Variants in DIS3 observed in about 807,000 individuals in gnomAD.
The protein encoded by DIS3 is DIS3 exosome endoribonuclease and 3'-5' exoribonuclease, also known as exosome complex exonuclease RRP44.
DIS3 carries 103 observed loss-of-function variants against 113.0 expected under a neutral mutation model. The observed-to-expected ratio is 0.91, with a 90% CI of 0.78 to 1.07. The LOEUF (loss-of-function observed/expected upper bound fraction) is 1.07. Among genes scored for constraint, DIS3 ranks in the 50% least tolerant of loss-of-function variants. The pLI is 0.00. For synonymous variants in DIS3, 402 were observed against 394.3 expected (o/e 1.02, Z -0.23); for missense variants, 1,121 against 1,167.1 (o/e 0.96, Z 0.58).
chr13:72,774,036 T>C lies in DIS3; in HGVS notation c.1011A>G (p.Lys337=). The change falls in exon 7 of 21, where the codon AAA becomes AAG. Residue 337 remains lysine, a synonymous_variant. Transcript: ENST00000377767. The part of the protein sequence containing the change: ...ERMLKTAVSE[K]MLKPTGRVVG... ...CAACTCTACCTGTAGGCTTCAACATTTTCTCGCTTACAGCAGTCTTAAGCT... is the reference window on the plus strand; with the variant it reads ...CAACTCTACCTGTAGGCTTCAACATCTTCTCGCTTACAGCAGTCTTAAGCT... 6.2e-7 allele frequency: 1 copy of C among 1,608,186 alleles called. No homozygotes were observed. Among genetic ancestry groups the C allele is most frequent in the Non-Finnish European group, 8.5e-7 (1 of 1,178,506 alleles).
intron 2 of DIS3, among the ~76,000 whole-genome samples, chr13:72,780,153 C>T (rs2034122028): frequency 6.6e-6 from 1 of 151,604 alleles, no homozygotes; most frequent in East Asian, 1.9e-4. Flanking sequence ...TGGTGAAACC[C>T]TGTCTCTACT....
intron 11 of DIS3, 38 bp from the exon 12 acceptor site, chr13:72,771,183 C>T: frequency 6.7e-7 from 1 of 1,501,086 alleles, no homozygotes; most frequent in Non-Finnish European, 9.2e-7. Flanking sequence ...ATTACTTAGC[C>T]ATAACCATAC....
chr13:72,775,856 A>G (rs1268497446), intron 5 of DIS3, 69 bp downstream of exon 5: 8 of 1,275,554 alleles, frequency 6.3e-6, no homozygotes, highest in African/African-American at 3.1e-5. Flanking sequence ...AGTATTTACC[A>G]TTAAGTGTTC....
At chr13:72,764,145 C>G (rs978448597) in intron 15 of DIS3, among the ~76,000 whole-genome samples, 4 of 151,992 alleles carry the variant, frequency 2.6e-5, no homozygotes, top group Non-Finnish European at 4.4e-5. Context: ...GAGCAAGACT[C>G]TGTGTCAAAA....
chr13:72,779,867 T>C (rs571791183), intron 2 of DIS3, among the ~76,000 whole-genome samples: 1 of 152,252 alleles, frequency 6.6e-6, no homozygotes, highest in South Asian at 2.1e-4. Flanking sequence ...AAAAAAATTA[T>C]TCAGTTCAAA....
Position 72,772,276 on chromosome 13 carries a change from C to T in DIS3, c.1387-1G>A, listed in dbSNP as rs1346924531. On this transcript the variant is annotated splice_acceptor_variant, in intron 9 of 20. Transcript: ENST00000377767. LOFTEE classifies it high-confidence loss of function. ...TCAGGTCTTCTCGGTTTTTCATGTC[C>T]TAGAAGACATGAAATGATAAACAAA... 1 of 1,593,064 alleles carries T rather than the reference C, an allele frequency of 6.3e-7. No individual in the cohort carries two copies. Among genetic ancestry groups the T allele is most frequent in the Non-Finnish European group, 8.6e-7 (1 of 1,167,082 alleles).
rs148844657 is a variant in DIS3, at chr13:72,754,742, G to T, written c.*5053C>A. On this transcript the variant is annotated 3_prime_UTR_variant, in exon 21 of 21. Coordinates refer to ENST00000377767, the MANE Select transcript of DIS3 (RefSeq NM_014953.5). The stretch of plus-strand genomic sequence containing the variant: ...ATTATTTTATTTTTTTTGAGACAAG[G>T]TCTCATTCTGTCACCCAGGCTAGAG... 53 of 155,288 alleles carry T rather than the reference G, an allele frequency of 3.4e-4. No homozygotes were observed. The East Asian group carries it at 6.9e-3, about 20-fold the overall frequency. The allele number at this position is 155,288 out of a possible 1,614,324, so 9.6% of individuals were successfully genotyped here. A position where few individuals can be genotyped will look rare whatever the true frequency, so the allele number is the denominator to read the frequency against.
chr13:72,776,507 G>T (rs1232090929), intron 4 of DIS3, among the ~76,000 whole-genome samples: 1 of 152,108 alleles, frequency 6.6e-6, no homozygotes, highest in Non-Finnish European at 1.5e-5. Context: ...TATCATAAAG[G>T]TAAGAAGGGA....
At chr13:72,763,684 C>T (rs2033683070) in intron 15 of DIS3, 77 bp from the exon 16 acceptor site, 1 of 1,391,738 alleles carries the variant, frequency 7.2e-7, no homozygotes, top group Non-Finnish European at 9.6e-7. Flanking sequence ...TCACAGGTTA[C>T]CTTTGTTACC....
In DIS3 at chr13:72,761,356, A is replaced by G; in HGVS notation, c.2670+7T>C. On this transcript the variant is annotated splice_region_variant and intron_variant, in intron 19 of 20. Transcript: ENST00000377767. The stretch of plus-strand genomic sequence containing the variant: ...GGAAAAGAAAACAAACATGAGAAAT[A>G]CCGTACCTCATCATCATAAATAAGC... 2 of 1,597,280 alleles carry G rather than the reference A, an allele frequency of 1.3e-6. No homozygotes were observed. Among genetic ancestry groups the G allele is most frequent in the Non-Finnish European group, 1.7e-6 (2 of 1,176,210 alleles).
In DIS3 at chr13:72,772,786, TTC is replaced by T; in HGVS notation, c.1291_1292del (p.Glu431SerfsTer5). On this transcript the variant is annotated frameshift_variant, in exon 9 of 21. Coordinates refer to ENST00000377767, the MANE Select transcript of DIS3 (RefSeq NM_014953.5). LOFTEE classifies it high-confidence loss of function. Reference protein sequence around the residue: ...GDVGEKETETEVLLLEHDVPH... With the variant: ...GDVGEKETETXVLLLEHDVPH... ...GAACATCGTGTTCAAGTAACAAAAC[TTC>T]TGTTTCAGTCTCTTTCTCTCCAACA... 4 of 1,613,266 alleles carry T rather than the reference TTC, an allele frequency of 2.5e-6. No homozygotes were observed. The highest frequency in any genetic ancestry group is 3.4e-6 in the Non-Finnish European group (4 of 1,179,814).
In DIS3 at chr13:72,776,042, A is replaced by T; in HGVS notation, c.705T>A (p.Ser235Arg). 1 of 1,606,300 alleles carries T rather than the reference A, an allele frequency of 6.2e-7. No individual in the cohort carries two copies. Among genetic ancestry groups the T allele is most frequent in the Non-Finnish European group, 8.5e-7 (1 of 1,177,930 alleles). ...CAGATTTTATGCCTTGCTGTAGCTTACTTAAGGGAAGATGCTCTGAAAATA... is the reference window on the plus strand; with the variant it reads ...CAGATTTTATGCCTTGCTGTAGCTTTCTTAAGGGAAGATGCTCTGAAAATA... Reference protein sequence around the residue: ...KIIFSEHLPLSKLQQGIKSGT... With the variant: ...KIIFSEHLPLRKLQQGIKSGT... Residue 235 changes from serine (S) to arginine (R), a missense_variant, in exon 5 of 21, where the codon AGT becomes AGA. Ser to Arg is a moderately radical substitution (Grantham distance 110, BLOSUM62 -1). Transcript: ENST00000377767.
chr13:72,759,189 T>C lies in DIS3; in HGVS notation c.*606A>G, dbSNP rs1593832306. The C allele has an allele frequency of 1.6e-5, 3 of 192,812 alleles. No individual in the cohort carries two copies. In the East Asian group the frequency reaches 2.5e-4, roughly 16 times the overall value. 11.9% of individuals were successfully genotyped at this position (192,812 alleles called of 1,614,324 possible). On this transcript the variant is annotated 3_prime_UTR_variant, in exon 21 of 21. Coordinates refer to ENST00000377767, the MANE Select transcript of DIS3 (RefSeq NM_014953.5). ...CTGGCAATAAAAACACAACCATCTTTCCAGTCAGGTCAAAATATCCTACTT... is the reference window on the plus strand; with the variant it reads ...CTGGCAATAAAAACACAACCATCTTCCCAGTCAGGTCAAAATATCCTACTT...
Position 72,771,886 on chromosome 13 carries a change from T to C in DIS3, c.1514A>G (p.His505Arg), listed in dbSNP as rs1275199676. ...AATAAAATGGCTCACATCAGCAATA[T>C]GAACACCAACCTTAAAAAGATAAAA... ...LENGNLEVGV[H>R]IADVSHFIRP... is the part of the protein sequence containing the mutation. Residue 505 changes from histidine (H) to arginine (R), a missense_variant, in exon 11 of 21, where the codon CAT (histidine) becomes CGT (arginine). Physicochemically the swap from His to Arg is conservative, Grantham distance 29. This residue lies in a region of DIS3 where 861 missense variants were observed against 915.5 expected (regional missense o/e 0.94). Transcript: ENST00000377767. 1.2e-6 allele frequency: 2 copies of C among 1,613,374 alleles called. No individual in the cohort carries two copies. The highest frequency in any genetic ancestry group is 2.2e-5 in the East Asian group (1 of 44,848).
At chr13:72,774,764 T>TA (rs2033967816) in intron 6 of DIS3, among the ~76,000 whole-genome samples, 2 of 152,188 alleles carry the variant, frequency 1.3e-5, no homozygotes, top group South Asian at 4.1e-4. Context: ...GAAAGTATTC[T>TA]CTTCATAATA....
Position 72,759,682 on chromosome 13 carries a change from T to C in DIS3, c.*113A>G. 1 of 767,020 alleles carries C rather than the reference T, an allele frequency of 1.3e-6. No individual in the cohort carries two copies. Among genetic ancestry groups the C allele is most frequent in the East Asian group, 2.7e-5 (1 of 37,202 alleles). The allele number at this position is 767,020 out of a possible 1,614,324, so 47.5% of individuals were successfully genotyped here. On this transcript the variant is annotated 3_prime_UTR_variant, in exon 21 of 21. Coordinates refer to ENST00000377767, the MANE Select transcript of DIS3 (RefSeq NM_014953.5). Reference sequence around the variant, plus strand: ...TAAAAATGCAGATGTCTGAAATTATTAAAATGTACTTAAAAGTAACAAACT... The same window carrying C: ...TAAAAATGCAGATGTCTGAAATTATCAAAATGTACTTAAAAGTAACAAACT...
At chr13:72,772,354 G>T in intron 9 of DIS3, 79 bp from the exon 10 acceptor site, 1 of 1,098,044 alleles carries the variant, frequency 9.1e-7, no homozygotes, top group Non-Finnish European at 1.3e-6. Flanking sequence ...TGTGAAATCA[G>T]TAATATGTAT....
At chr13:72,775,399 G>A (rs766384534) in intron 5 of DIS3, 24 bp from the exon 6 acceptor site, 27 of 1,560,726 alleles carry the variant, frequency 1.7e-5, no homozygotes, top group Non-Finnish European at 1.9e-5. Flanking sequence ...CAGAGGGCAC[G>A]TGCCCAAATT....
chr13:72,772,172 T>C lies in DIS3; in HGVS notation c.1490A>G (p.Asn497Ser), dbSNP rs1160840972. ...ACATATGAATACCTCCAAATTTCCA[T>C]TTTCGAGTTCTCGACAATGTAGAGC... ...DDALHCRELE[N>S]GNLEVGVHIA... Residue 497 changes from asparagine (N) to serine (S), a missense_variant, in exon 10 of 21, where the codon AAT becomes AGT. Physicochemically the swap from Asn to Ser is conservative, Grantham distance 46. Around this residue, in one of 3 missense-constraint regions of DIS3, gnomAD observed 861 missense variants for 915.5 expected, o/e 0.94. Transcript: ENST00000377767. 6.2e-7 allele frequency: 1 copy of C among 1,612,400 alleles called. No individual in the cohort carries two copies. Among genetic ancestry groups the C allele is most frequent in the African/African-American group, 1.3e-5 (1 of 74,874 alleles).
Sources: allele counts gnomAD v4.1 joint callset (sites outside exome capture counted in the v4.1 genomes callset), GRCh38; gene constraint gnomAD v4.1.1; regional missense constraint gnomAD v4.1.1; transcripts MANE v1.5; gene names NCBI Gene and HGNC (gene_info 2026-07-23, HGNC 2026-07-21).